Variants in SLC24A2 observed in about 807,000 individuals in gnomAD.
SLC24A2 encodes the protein sodium/potassium/calcium exchanger 2.
In SLC24A2, 36 loss-of-function variants were observed where a neutral mutation model predicts 62.0. That is an observed-to-expected ratio of 0.58 (90% CI 0.44 to 0.77). The LOEUF is 0.77. SLC24A2 is among the 30% of genes least tolerant of loss of function. The pLI is 0.00. For synonymous variants in SLC24A2, 358 were observed against 294.0 expected (o/e 1.22, Z -2.23); for missense variants, 846 against 817.9 (o/e 1.03, Z -0.42).
the SLC24A2 span, among the ~76,000 whole-genome samples, chr9:19,921,708 G>A: frequency 6.6e-6 from 1 of 151,998 alleles, no homozygotes; most frequent in East Asian, 1.9e-4. Context: ...AGCTGAGGGG[G>A]TCTTATATTT....
chr9:20,034,696 C>T, the SLC24A2 span, among the ~76,000 whole-genome samples: 2 of 152,050 alleles, frequency 1.3e-5, no homozygotes, highest in South Asian at 2.1e-4. Context: ...TCTCGATCTC[C>T]TGAACTCGTG....
chr9:20,009,965 G>A, the SLC24A2 span, among the ~76,000 whole-genome samples: 1 of 152,178 alleles, frequency 6.6e-6, no homozygotes, highest in Non-Finnish European at 1.5e-5. Context: ...GCATGGCCAT[G>A]CTGAACCACA....
the SLC24A2 span, among the ~76,000 whole-genome samples, chr9:20,138,773 C>T: frequency 1.3e-5 from 2 of 152,172 alleles, no homozygotes; most frequent in Admixed American, 1.3e-4. Context: ...AAGGTTAACT[C>T]ACCTCATGCA....
At chr9:20,190,286 G>T in the SLC24A2 span, among the ~76,000 whole-genome samples, 380 of 152,196 alleles carry the variant, frequency 2.5e-3, 1 homozygote, top group African/African-American at 8.8e-3. Flanking sequence ...AATAGCCTAG[G>T]TTTTCCTCTG....
chr9:19,695,885 T>C (rs1033531546), intron 2 of SLC24A2, among the ~76,000 whole-genome samples: 2 of 152,106 alleles, frequency 1.3e-5, no homozygotes, highest in Admixed American at 6.5e-5. Flanking sequence ...CCACATTCAT[T>C]AAGATACTAT....
chr9:19,760,416 G>A (rs971985711), intron 2 of SLC24A2, among the ~76,000 whole-genome samples: 1 of 151,884 alleles, frequency 6.6e-6, no homozygotes, highest in East Asian at 1.9e-4. Flanking sequence ...TGTGCAGAAC[G>A]TGCAGGTTTG....
chr9:20,284,612 AAG>A, the SLC24A2 span, among the ~76,000 whole-genome samples: 1 of 152,198 alleles, frequency 6.6e-6, no homozygotes, highest in African/African-American at 2.4e-5. Context: ...ATAGCAAAAG[AAG>A]AGATTTTTTT....
the SLC24A2 span, among the ~76,000 whole-genome samples, chr9:20,184,919 C>A: frequency 6.6e-6 from 1 of 152,044 alleles, no homozygotes; most frequent in South Asian, 2.1e-4. Flanking sequence ...TACTATTCAA[C>A]CTAAGGAAAT....
intron 8 of SLC24A2, among the ~76,000 whole-genome samples, chr9:19,544,361 T>A (rs7866439): frequency 7.9e-5 from 12 of 151,554 alleles, no homozygotes; most frequent in African/African-American, 2.7e-4. Flanking sequence ...ATACAGCCAC[T>A]GATGGGTCTT....
At chr9:20,217,491 G>GA in the SLC24A2 span, among the ~76,000 whole-genome samples, 1 of 152,058 alleles carries the variant, frequency 6.6e-6, no homozygotes. Context: ...TTTATTGTAA[G>GA]TTTTTTTAAT....
the SLC24A2 span, among the ~76,000 whole-genome samples, chr9:20,016,879 C>A: frequency 1.3e-5 from 2 of 152,068 alleles, no homozygotes; most frequent in Admixed American, 6.5e-5. Context: ...TAAAAGAGGG[C>A]TTCCACTTGT....
the SLC24A2 span, among the ~76,000 whole-genome samples, chr9:19,998,626 C>T: frequency 1.3e-5 from 2 of 152,222 alleles, no homozygotes; most frequent in African/African-American, 4.8e-5. Flanking sequence ...TCTTCTCCAT[C>T]CCTTTGTGTG....
chr9:19,971,328 C>T, the SLC24A2 span, among the ~76,000 whole-genome samples: 1 of 152,124 alleles, frequency 6.6e-6, no homozygotes, highest in Non-Finnish European at 1.5e-5. Context: ...TTGTGGTGGT[C>T]TGTTATACAG....
At chr9:19,798,215 T>C in the SLC24A2 span, among the ~76,000 whole-genome samples, 138 of 152,322 alleles carry the variant, frequency 9.1e-4, no homozygotes, top group African/African-American at 3.1e-3. Context: ...ATCATTTTCT[T>C]TCATTTGTTC....
At chr9:20,244,760 A>G in the SLC24A2 span, among the ~76,000 whole-genome samples, 17,584 of 152,236 alleles carry the variant, frequency 0.12, 2,048 homozygotes, top group East Asian at 0.51. Context: ...GTATTATACA[A>G]TAACAGTACT....
chr9:19,691,598 C>T (rs534862561), intron 2 of SLC24A2, among the ~76,000 whole-genome samples: 5 of 152,286 alleles, frequency 3.3e-5, no homozygotes, highest in African/African-American at 1.2e-4. Context: ...TCTTTCACTT[C>T]CTCGTTGCTT....
At chr9:19,532,315 C>T (rs539210328) in intron 8 of SLC24A2, among the ~76,000 whole-genome samples, 53 of 152,196 alleles carry the variant, frequency 3.5e-4, no homozygotes, top group South Asian at 1.7e-3. Context: ...AGGCTGGTCT[C>T]GAACTCCCAA....
the SLC24A2 span, among the ~76,000 whole-genome samples, chr9:19,914,287 C>T: frequency 5.3e-5 from 8 of 152,032 alleles, no homozygotes; most frequent in Non-Finnish European, 1.2e-4. Context: ...TGTCATCAGA[C>T]CTCTTCCTAG....
At chr9:19,619,756 G>A in intron 3 of SLC24A2, 64 bp from the exon 4 acceptor site, 1 of 1,208,942 alleles carries the variant, frequency 8.3e-7, no homozygotes, top group Non-Finnish European at 1.2e-6. Flanking sequence ...TTATAGACAA[G>A]ATCCTCACCT....
Sources: gnomAD v4.1 joint callset for allele counts (sites outside exome capture counted in the v4.1 genomes callset) on GRCh38, gnomAD v4.1.1 for gene constraint, MANE v1.5 for transcripts, NCBI Gene and HGNC (gene_info 2026-07-23, HGNC 2026-07-21) for gene names.